SLC25A22: variants seen among roughly 807,000 people sequenced by gnomAD.
SLC25A22 encodes the protein solute carrier family 25 member 22, also known as mitochondrial glutamate carrier 1.
Under a neutral mutation model 33.7 loss-of-function variants are expected in SLC25A22, and 23 were observed. That is an observed-to-expected ratio of 0.68 (90% CI 0.49 to 0.97). The LOEUF is 0.97. SLC25A22 is among the 50% of genes least tolerant of loss of function. The pLI is 0.00. For missense variants in SLC25A22, 390 were observed against 451.1 expected (o/e 0.86, Z 1.23); for synonymous variants, 245 against 203.8 (o/e 1.20, Z -1.72).
At position 792,163 on chromosome 11, in the gene SLC25A22, G is replaced by A. The variant is rs939554287; in HGVS notation, c.797C>T (p.Ser266Phe). 2 of 1,612,696 alleles carry A rather than the reference G, an allele frequency of 1.2e-6. No individual in the cohort carries two copies. Among genetic ancestry groups the A allele is most frequent in the African/African-American group, 2.7e-5 (2 of 74,928 alleles). ...LQRGVNEDTY[S>F]GILDCARKIL... ...CCACCTGGCACAGTCCAGGATCCCAGAGTAGGTGTCCTCGTTGACGCCTCG... is the reference window on the plus strand; with the variant it reads ...CCACCTGGCACAGTCCAGGATCCCAAAGTAGGTGTCCTCGTTGACGCCTCG... The change falls in exon 9 of 10, where the codon TCT becomes TTT. Residue 266 changes from serine to phenylalanine, a missense_variant. Ser to Phe is a radical substitution (Grantham distance 155). Transcript: ENST00000628067.
intron 3 of SLC25A22, 41 bp downstream of exon 3, chr11:794,735 A>G: frequency 6.3e-7 from 1 of 1,586,704 alleles, no homozygotes. Context: ...TCCTGCTGCC[A>G]CATGCTGGGC....
chr11:792,524 C>G (rs551988325), intron 7 of SLC25A22, 29 bp downstream of exon 7: 10 of 1,612,318 alleles, frequency 6.2e-6, no homozygotes, highest in Non-Finnish European at 8.5e-6. Flanking sequence ...CTCCCCCTTC[C>G]CTCCCCCCAC....
chr11:793,210 T>C (rs1309175433), intron 5 of SLC25A22, among the ~76,000 whole-genome samples: 2 of 152,150 alleles, frequency 1.3e-5, no homozygotes, highest in African/African-American at 4.8e-5. Flanking sequence ...GCAGTGGGGC[T>C]GTCTGCGACA....
At chr11:794,948 G>A (rs1385885500) in intron 2 of SLC25A22, 39 bp downstream of exon 2, 2 of 1,562,958 alleles carry the variant, frequency 1.3e-6, no homozygotes. Flanking sequence ...CCATGGGTCA[G>A]GGTGGGGGTG....
intron 3 of SLC25A22, 47 bp downstream of exon 3, chr11:794,729 G>C: frequency 6.3e-7 from 1 of 1,583,378 alleles, no homozygotes; most frequent in Non-Finnish European, 8.6e-7. Context: ...CACCTCTCCT[G>C]CTGCCACATG....
In SLC25A22 at chr11:794,469, C is replaced by A. The variant is rs769401559; in HGVS notation, c.191G>T (p.Gly64Val). Residue 64 changes from glycine (G) to valine (V), a missense_variant, in exon 4 of 10, where the codon GGC becomes GTC. Transcript: ENST00000628067. ...IKTVRSEGYF[G>V]MYRGAAVNLT... is the part of the protein sequence containing the mutation. ...GAGCCAAACCTCACCCCGGTACATG[C>A]CGAAGTAGCCCTCGGAGCGGACGGT... 6.2e-7 allele frequency: 1 copy of A among 1,613,008 alleles called. No individual in the cohort carries two copies. The highest frequency in any genetic ancestry group is 1.1e-5 in the South Asian group (1 of 90,996).
rs1004073980 is a variant in SLC25A22 at position 798,223 on chromosome 11, C to G, written c.-170G>C. On this transcript the variant is annotated 5_prime_UTR_variant, in exon 1 of 10. Coordinates refer to ENST00000628067, the MANE Select transcript of SLC25A22 (RefSeq NM_001191061.2). Reference sequence around the variant, plus strand: ...CCGCCGGGCAGACACTCACCACGCTCGCCGCCGCCGCCGCGCTCGCCTGCC... The same window carrying G: ...CCGCCGGGCAGACACTCACCACGCTGGCCGCCGCCGCCGCGCTCGCCTGCC... The G allele has an allele frequency of 1.3e-5, 5 of 392,524 alleles. No homozygotes were observed. Among genetic ancestry groups the G allele is most frequent in the Admixed American group, 4.5e-5 (1 of 22,444 alleles). 24.3% of individuals were successfully genotyped at this position (392,524 alleles called of 1,614,324 possible). A position where few individuals can be genotyped will look rare whatever the true frequency, so the allele number is the denominator to read the frequency against.
rs7124179 is a variant in SLC25A22 at position 791,990 on chromosome 11, G to A, written c.897C>T (p.Phe299=). Residue 299 remains phenylalanine, a synonymous_variant, in exon 10 of 10, where the codon TTC becomes TTT. Coordinates refer to ENST00000628067, the MANE Select transcript of SLC25A22 (RefSeq NM_001191061.2). ...YCRALVIAPL[F]GIAQVVYFLG... ...GGAAGTAGACCACCTGTGCGATGCCGAAAAGGGGCGCGATGACCAGCGCGC... is the reference window on the plus strand; with the variant it reads ...GGAAGTAGACCACCTGTGCGATGCCAAAAAGGGGCGCGATGACCAGCGCGC... The A allele has an allele frequency of 4.8e-5, 78 of 1,609,122 alleles. No homozygotes were observed. The highest frequency in any genetic ancestry group is 2.2e-4 in the Admixed American group (13 of 59,774).
Position 791,913 on chromosome 11 carries a change from G to C in SLC25A22, c.*2C>G, listed in dbSNP as rs1314766783. The C allele has an allele frequency of 6.3e-7, 1 of 1,594,210 alleles. No homozygotes were observed. Among genetic ancestry groups the C allele is most frequent in the Non-Finnish European group, 8.5e-7 (1 of 1,177,062 alleles). The stretch of plus-strand genomic sequence containing the variant: ...CTGGCTGGGGTGGAGCGGGTGCTGG[G>C]CTCAGGCCTGGGGGTCCTGCAGCAG... On this transcript the variant is annotated 3_prime_UTR_variant, in exon 10 of 10. Transcript: ENST00000628067.
intron 1 of SLC25A22, among the ~76,000 whole-genome samples, chr11:797,123 G>A (rs1006922537): frequency 6.6e-6 from 1 of 152,184 alleles, no homozygotes; most frequent in Non-Finnish European, 1.5e-5. Context: ...GCATGATAGG[G>A]GCAATCCTGG....
In SLC25A22 at chr11:791,891, G is replaced by C; in HGVS notation, c.*24C>G. 6.3e-7 allele frequency: 1 copy of C among 1,576,820 alleles called. No homozygotes were observed. The highest frequency in any genetic ancestry group is 1.1e-5 in the South Asian group (1 of 87,830). Reference sequence around the variant, plus strand: ...GCCCCACACCGGCCCTGCCCAGCTGGCTGGGGTGGAGCGGGTGCTGGGCTC... The same window carrying C: ...GCCCCACACCGGCCCTGCCCAGCTGCCTGGGGTGGAGCGGGTGCTGGGCTC... On this transcript the variant is annotated 3_prime_UTR_variant, in exon 10 of 10. Transcript: ENST00000628067.
In SLC25A22 at chr11:792,077, G is replaced by A. The variant is rs763533349; in HGVS notation, c.819-9C>T. ...CGTGCCGCAGGATCTTCCTGTGGAG[G>A]AAGGACGAAAGGGTCAGCCCGGTAC... is the stretch of plus-strand genomic sequence containing the variant. On this transcript the variant is annotated splice_polypyrimidine_tract_variant and intron_variant, in intron 9 of 9. Coordinates refer to ENST00000628067, the MANE Select transcript of SLC25A22 (RefSeq NM_001191061.2). 1 of 1,598,504 alleles carries A rather than the reference G, an allele frequency of 6.3e-7. No individual in the cohort carries two copies. Among genetic ancestry groups the A allele is most frequent in the African/African-American group, 1.3e-5 (1 of 74,570 alleles).
intron 1 of SLC25A22, chr11:795,742 C>T (rs1864792128): frequency 6.2e-6 from 1 of 160,324 alleles, no homozygotes; most frequent in South Asian, 1.6e-4. Context: ...CAGCCAGCCC[C>T]TTGCCCGCCC....
chr11:798,256 C>T lies in SLC25A22; in HGVS notation c.-203G>A, dbSNP rs1355705317. 7.7e-6 allele frequency: 3 copies of T among 388,504 alleles called. No individual in the cohort carries two copies. The highest frequency in any genetic ancestry group is 1.4e-5 in the Non-Finnish European group (3 of 219,636). 24.1% of individuals were successfully genotyped at this position (388,504 alleles called of 1,614,324 possible). A position where few individuals can be genotyped will look rare whatever the true frequency, so the allele number is the denominator to read the frequency against. ...CCGCCGCGCTCGCCTGCCCGCCCCG[C>T]GCTCGGCCAGCACCTAGGCGGGGAG... On this transcript the variant is annotated 5_prime_UTR_variant, in exon 1 of 10. Transcript: ENST00000628067.
chr11:795,131 C>G lies in SLC25A22; in HGVS notation c.-125G>C. On this transcript the variant is annotated 5_prime_UTR_variant, in exon 2 of 10. Transcript: ENST00000628067. ...GGGGGGTTGGGTGGTGCTCCACCTTCAGGGGAATTTCCAGGCGTCAGCAAC... is the reference window on the plus strand; with the variant it reads ...GGGGGGTTGGGTGGTGCTCCACCTTGAGGGGAATTTCCAGGCGTCAGCAAC... 8.1e-7 allele frequency: 1 copy of G among 1,232,734 alleles called. No individual in the cohort carries two copies. Among genetic ancestry groups the G allele is most frequent in the South Asian group, 1.3e-5 (1 of 77,822 alleles). The allele number at this position is 1,232,734 out of a possible 1,614,324, so 76.4% of individuals were successfully genotyped here.
chr11:791,981 T>C lies in SLC25A22; in HGVS notation c.906A>G (p.Ala302=). 5 of 1,609,340 alleles carry C rather than the reference T, an allele frequency of 3.1e-6. No homozygotes were observed. Among genetic ancestry groups the C allele is most frequent in the Non-Finnish European group, 4.2e-6 (5 of 1,179,450 alleles). ...ALVIAPLFGI[A]QVVYFLGIAE... ...CGATGCCCAGGAAGTAGACCACCTGTGCGATGCCGAAAAGGGGCGCGATGA... is the reference window on the plus strand; with the variant it reads ...CGATGCCCAGGAAGTAGACCACCTGCGCGATGCCGAAAAGGGGCGCGATGA... Residue 302 remains alanine (A), a synonymous_variant, in exon 10 of 10, where the codon GCA becomes GCG. Transcript: ENST00000628067.
rs746201173 is a variant in SLC25A22 at position 792,061 on chromosome 11, G to A, written c.826C>T (p.Leu276=). 3 of 1,598,812 alleles carry A rather than the reference G, an allele frequency of 1.9e-6. No individual in the cohort carries two copies. Among genetic ancestry groups the A allele is most frequent in the Non-Finnish European group, 2.6e-6 (3 of 1,173,168 alleles). The part of the protein sequence containing the change: ...SGILDCARKI[L]RHEGPSAFLK... ...AAGGCCGAGGGGCCCTCGTGCCGCAGGATCTTCCTGTGGAGGAAGGACGAA... is the reference window on the plus strand; with the variant it reads ...AAGGCCGAGGGGCCCTCGTGCCGCAAGATCTTCCTGTGGAGGAAGGACGAA... Residue 276 remains leucine, a synonymous_variant, in exon 10 of 10, where the codon CTG becomes TTG. Transcript: ENST00000628067.
At chr11:794,299 C>T (rs1483201614) in intron 4 of SLC25A22, 159 bp downstream of exon 4, 2 of 866,366 alleles carry the variant, frequency 2.3e-6, no homozygotes, top group East Asian at 2.6e-5. Context: ...ACCAGAGATC[C>T]AGTCCCCCCT....
intron 4 of SLC25A22, chr11:794,013 G>A (rs1864664313): frequency 8.6e-6 from 4 of 467,154 alleles, no homozygotes; most frequent in South Asian, 2.0e-5. Context: ...CTGGGCCAGA[G>A]CTCGGGGGAG....
Sources: allele counts gnomAD v4.1 joint callset (sites outside exome capture counted in the v4.1 genomes callset), GRCh38; gene constraint gnomAD v4.1.1; transcripts MANE v1.5; gene names NCBI Gene and HGNC (gene_info 2026-07-23, HGNC 2026-07-21).